Variants in RASAL2 observed in about 807,000 individuals in gnomAD.
The protein encoded by RASAL2 is ras GTPase-activating protein nGAP.
Under a neutral mutation model 128.9 loss-of-function variants are expected in RASAL2, and 58 were observed. The observed-to-expected ratio is 0.45, with a 90% CI of 0.36 to 0.56. The LOEUF is 0.56. RASAL2 is among the 20% of genes least tolerant of loss of function. The pLI is 0.00. For missense variants in RASAL2, 1,360 were observed against 1,601.6 expected (o/e 0.85, Z 2.57); for synonymous variants, 561 against 580.8 (o/e 0.97, Z 0.49).
chr1:178,258,353 T>A (rs964636615), intron 1 of RASAL2, among the ~76,000 whole-genome samples: 3 of 146,228 alleles, frequency 2.1e-5, no homozygotes, highest in African/African-American at 7.6e-5. Context: ...GAAGAAAAAA[T>A]TTGCAAATTA....
intron 1 of RASAL2, among the ~76,000 whole-genome samples, chr1:178,219,539 G>T (rs982416549): frequency 1.3e-5 from 2 of 151,618 alleles, no homozygotes; most frequent in Admixed American, 1.3e-4. Context: ...TACTCAGGAG[G>T]CTGCGGTGGG....
chr1:178,302,738 G>T (rs894119077), intron 3 of RASAL2, among the ~76,000 whole-genome samples: 2 of 152,130 alleles, frequency 1.3e-5, no homozygotes, highest in Non-Finnish European at 2.9e-5. Flanking sequence ...CTAGTATTAA[G>T]ATCTGTTTAA....
chr1:178,094,730 C>T (rs776578094), intron 1 of RASAL2, 36 bp downstream of exon 1: 2 of 1,609,794 alleles, frequency 1.2e-6, no homozygotes, highest in Non-Finnish European at 1.7e-6. Flanking sequence ...GCTGGTGTTT[C>T]CTATTTTTGC....
At chr1:178,391,894 G>C (rs1003823031) in intron 4 of RASAL2, among the ~76,000 whole-genome samples, 2 of 152,190 alleles carry the variant, frequency 1.3e-5, no homozygotes, top group African/African-American at 4.8e-5. Context: ...ATGGTGAGCA[G>C]TAGGTTTACC....
intron 3 of RASAL2, among the ~76,000 whole-genome samples, chr1:178,306,604 A>G (rs1188310839): frequency 2.0e-5 from 3 of 151,826 alleles, no homozygotes; most frequent in Admixed American, 2.0e-4. Flanking sequence ...CTGGTGTGAG[A>G]TGGTATCTCA....
intron 3 of RASAL2, among the ~76,000 whole-genome samples, chr1:178,383,637 A>T (rs554825300): frequency 8.5e-5 from 13 of 152,280 alleles, no homozygotes; most frequent in Non-Finnish European, 1.6e-4. Flanking sequence ...CCCTCTACTG[A>T]AGAGCTACAA....
intron 1 of RASAL2, among the ~76,000 whole-genome samples, chr1:178,109,420 A>G (rs774622465): frequency 6.6e-6 from 1 of 152,126 alleles, no homozygotes; most frequent in Non-Finnish European, 1.5e-5. Flanking sequence ...TCTTTTCTAA[A>G]AGCTCAGGAA....
chr1:178,351,706 A>G (rs1275340264), intron 3 of RASAL2, among the ~76,000 whole-genome samples: 1 of 147,902 alleles, frequency 6.8e-6, no homozygotes, highest in African/African-American at 2.6e-5. Flanking sequence ...TCCAGCCTGG[A>G]TGACAGAGCG....
chr1:178,363,676 A>G (rs934106519), intron 3 of RASAL2, among the ~76,000 whole-genome samples: 4 of 152,252 alleles, frequency 2.6e-5, no homozygotes, highest in Non-Finnish European at 5.9e-5. Context: ...CATTTAACAA[A>G]TATTAAGCAC....
chr1:178,317,983 G>T (rs561259357), intron 3 of RASAL2, among the ~76,000 whole-genome samples: 5,897 of 150,372 alleles, frequency 0.039, 369 homozygotes, highest in African/African-American at 0.14. Context: ...AGAGATTCTG[G>T]TATGTTGTGT....
chr1:178,192,030 C>G (rs569581102), intron 1 of RASAL2, among the ~76,000 whole-genome samples: 6 of 152,236 alleles, frequency 3.9e-5, no homozygotes, highest in African/African-American at 1.4e-4. Context: ...CTGTATAACA[C>G]AGACTGTGGA....
chr1:178,235,974 T>C (rs921058333), intron 1 of RASAL2, among the ~76,000 whole-genome samples: 2 of 152,172 alleles, frequency 1.3e-5, no homozygotes, highest in Non-Finnish European at 2.9e-5. Context: ...GGCAATTTAT[T>C]TATTTAAAAT....
chr1:178,097,129 A>T (rs1413259395), intron 1 of RASAL2, among the ~76,000 whole-genome samples: 1 of 152,210 alleles, frequency 6.6e-6, no homozygotes, highest in Non-Finnish European at 1.5e-5. Flanking sequence ...GTTTCAGGGA[A>T]ATCTACAAAT....
At chr1:178,308,742 G>T (rs973931669) in intron 3 of RASAL2, among the ~76,000 whole-genome samples, 2 of 151,750 alleles carry the variant, frequency 1.3e-5, no homozygotes, top group African/African-American at 2.4e-5. Context: ...TAGAGACAGG[G>T]TGTCACTATG....
intron 1 of RASAL2, among the ~76,000 whole-genome samples, chr1:178,123,981 A>G (rs1018337281): frequency 6.6e-6 from 1 of 152,072 alleles, no homozygotes; most frequent in Non-Finnish European, 1.5e-5. Flanking sequence ...CCCAAAATGC[A>G]CTATTAGTGA....
At chr1:178,217,397 G>A (rs141971652) in intron 1 of RASAL2, among the ~76,000 whole-genome samples, 1 of 152,250 alleles carries the variant, frequency 6.6e-6, no homozygotes, top group East Asian at 1.9e-4. Context: ...TCTCACACCA[G>A]AGTGGTACAT....
intron 5 of RASAL2, among the ~76,000 whole-genome samples, chr1:178,421,591 G>A (rs1167718389): frequency 2.0e-5 from 3 of 152,076 alleles, no homozygotes. Flanking sequence ...CTAATAAGTA[G>A]TAGAGCTAAG....
chr1:178,274,419 A>G (rs769087453), intron 1 of RASAL2, among the ~76,000 whole-genome samples: 1 of 152,206 alleles, frequency 6.6e-6, no homozygotes, highest in African/African-American at 2.4e-5. Flanking sequence ...GATACTAAAT[A>G]TAACAAAAGG....
At chr1:178,094,721 C>A in intron 1 of RASAL2, 27 bp downstream of exon 1, 1 of 1,611,292 alleles carries the variant, frequency 6.2e-7, no homozygotes, top group Non-Finnish European at 8.5e-7. Flanking sequence ...GTCTTAGAGG[C>A]TGGTGTTTCC....
Sources: allele counts gnomAD v4.1 joint callset (sites outside exome capture counted in the v4.1 genomes callset), GRCh38; gene constraint gnomAD v4.1.1; transcripts MANE v1.5; gene names NCBI Gene and HGNC (gene_info 2026-07-23, HGNC 2026-07-21).